The following RABGAP1L variants were observed in gnomAD, a reference collection of about 807,000 sequenced individuals.
RABGAP1L encodes rab GTPase-activating protein 1-like.
In RABGAP1L, 63 loss-of-function variants were observed where a neutral mutation model predicts 137.7. That is an observed-to-expected ratio of 0.46 (90% CI 0.37 to 0.56). The LOEUF (loss-of-function observed/expected upper bound fraction) is 0.56. Among genes scored for constraint, RABGAP1L ranks in the 20% least tolerant of loss-of-function variants. The pLI is 0.00. For synonymous variants in RABGAP1L, 431 were observed against 433.7 expected (o/e 0.99, Z 0.08); for missense variants, 1,095 against 1,244.0 (o/e 0.88, Z 1.80).
chr1:174,229,018 GTTTTTT>G (rs34335797), intron 3 of RABGAP1L, among the ~76,000 whole-genome samples: 2 of 148,322 alleles, frequency 1.3e-5, no homozygotes, highest in African/African-American at 2.5e-5. Context: ...AAAATGAACA[GTTTTTT>G]TTTTTTAAAG....
At chr1:174,350,176 G>A (rs1490715651) in intron 11 of RABGAP1L, among the ~76,000 whole-genome samples, 3 of 135,874 alleles carry the variant, frequency 2.2e-5, no homozygotes, top group Non-Finnish European at 4.8e-5. Flanking sequence ...GCGGCTGGCC[G>A]GGCGGGGGGC....
intron 14 of RABGAP1L, among the ~76,000 whole-genome samples, chr1:174,672,171 GTC>G (rs1232811174): frequency 6.6e-6 from 1 of 151,012 alleles, no homozygotes; most frequent in African/African-American, 2.4e-5. Flanking sequence ...CAGTTGTAAT[GTC>G]TCCTTTTTTA....
chr1:174,597,961 A>G (rs1209123644), intron 13 of RABGAP1L, among the ~76,000 whole-genome samples: 1 of 152,192 alleles, frequency 6.6e-6, no homozygotes, highest in African/African-American at 2.4e-5. Context: ...TATAGTTTCC[A>G]ACATTCCTCT....
chr1:174,619,977 C>T (rs4652669), intron 13 of RABGAP1L, among the ~76,000 whole-genome samples: 55,834 of 151,904 alleles, frequency 0.37, 13,507 homozygotes, highest in African/African-American at 0.69. Context: ...AAAAAAGGTA[C>T]GGGTTGCAAT....
chr1:174,867,237 C>T (rs747562284), intron 19 of RABGAP1L, among the ~76,000 whole-genome samples: 17 of 151,544 alleles, frequency 1.1e-4, no homozygotes, highest in Non-Finnish European at 8.8e-5. Context: ...AAAAATTAGC[C>T]GGGTGTGGTG....
At chr1:174,612,812 C>A (rs1399614187) in intron 13 of RABGAP1L, among the ~76,000 whole-genome samples, 2 of 152,164 alleles carry the variant, frequency 1.3e-5, no homozygotes, top group African/African-American at 4.8e-5. Context: ...GGAATGTATC[C>A]ATTTCTTCTA....
intron 1 of RABGAP1L, among the ~76,000 whole-genome samples, chr1:174,211,674 TAC>T (rs1668896129): frequency 4.6e-5 from 7 of 152,126 alleles, no homozygotes; most frequent in Non-Finnish European, 8.8e-5. Flanking sequence ...AATGAAAGGA[TAC>T]AGAGTAGTGG....
At chr1:174,165,095 G>C (rs1172506781) in intron 1 of RABGAP1L, among the ~76,000 whole-genome samples, 1 of 152,188 alleles carries the variant, frequency 6.6e-6, no homozygotes, top group Non-Finnish European at 1.5e-5. Flanking sequence ...AAAGTAATGG[G>C]TGGTAAAAAG....
At chr1:174,327,996 T>TATATATATATATACAC (rs1558136328) in intron 11 of RABGAP1L, among the ~76,000 whole-genome samples, 1 of 91,560 alleles carries the variant, frequency 1.1e-5, no homozygotes, top group East Asian at 2.5e-4. Context: ...CATATATATA[T>TATATATATATATACAC]ATATATATAT....
In RABGAP1L at chr1:174,761,357, T is replaced by C. The variant is rs1685200682; in HGVS notation, c.2211+9003T>C. 6.6e-6 allele frequency among the ~76,000 whole-genome samples: 1 copy of C among 152,232 alleles called. No individual in the cohort carries two copies. On this transcript the variant is annotated intron_variant, in intron 18 of 25. Transcript: ENST00000681986. The surrounding 1 kb of genome is among the most constrained non-coding windows in gnomAD (Gnocchi z 4.0). ...GCAGTCCGGCAGAGGCGCTCCTCAC[T>C]TGCCAGACAGTGCGGGGGCCAGGGA...
intron 21 of RABGAP1L, among the ~76,000 whole-genome samples, chr1:174,974,540 G>A (rs1301142326): frequency 6.6e-6 from 1 of 152,166 alleles, no homozygotes; most frequent in Non-Finnish European, 1.5e-5. Flanking sequence ...TGTTCATATT[G>A]CATTCTCAAG....
chr1:174,399,872 G>A (rs1055243520), intron 13 of RABGAP1L, among the ~76,000 whole-genome samples: 24 of 152,094 alleles, frequency 1.6e-4, no homozygotes, highest in African/African-American at 5.3e-4. Flanking sequence ...TCTCCACCTG[G>A]TCCCTCCCAC....
At chr1:174,454,456 T>C (rs1655806177) in intron 13 of RABGAP1L, among the ~76,000 whole-genome samples, 1 of 152,158 alleles carries the variant, frequency 6.6e-6, no homozygotes, top group Non-Finnish European at 1.5e-5. Context: ...AACCTTCTAC[T>C]TGCAATAGTA....
At chr1:174,493,808 T>A (rs1572044678) in intron 13 of RABGAP1L, among the ~76,000 whole-genome samples, 1 of 125,080 alleles carries the variant, frequency 8.0e-6, no homozygotes, top group Non-Finnish European at 1.6e-5. Flanking sequence ...GAAATGGGAG[T>A]GAGACCCTGT....
chr1:174,161,186 A>G lies in RABGAP1L; in HGVS notation c.-34+1529A>G, dbSNP rs140085211. Among the ~76,000 whole-genome samples, 834 of 151,404 alleles carry G rather than the reference A, an allele frequency of 5.5e-3. 6 individuals carry two copies. Among genetic ancestry groups the G allele is most frequent in the African/African-American group, 0.02 (810 of 41,334 alleles). ...TAAAGCAGGGCAGAGTTTATATTTT[A>G]ACATATTATGTAGCCTACATTTGCT... is the stretch of plus-strand genomic sequence containing the variant. On this transcript the variant is annotated intron_variant, in intron 1 of 25. Transcript: ENST00000681986.
chr1:174,480,804 T>C (rs1243280625), intron 13 of RABGAP1L, among the ~76,000 whole-genome samples: 1 of 152,214 alleles, frequency 6.6e-6, no homozygotes, highest in Non-Finnish European at 1.5e-5. Flanking sequence ...AATTAACATA[T>C]AACCCTTCCA....
intron 13 of RABGAP1L, among the ~76,000 whole-genome samples, chr1:174,561,284 TA>T (rs1315405366): frequency 6.6e-6 from 1 of 152,044 alleles, no homozygotes; most frequent in Non-Finnish European, 1.5e-5. Flanking sequence ...ATAAAATACC[TA>T]GGAATAAAAC....
chr1:174,255,411 C>G (rs970113762), intron 7 of RABGAP1L, among the ~76,000 whole-genome samples: 1 of 152,130 alleles, frequency 6.6e-6, no homozygotes, highest in South Asian at 2.1e-4. Flanking sequence ...AAAAACAATA[C>G]AACTAGTAGA....
intron 18 of RABGAP1L, among the ~76,000 whole-genome samples, chr1:174,769,377 G>A (rs541128861): frequency 1.3e-5 from 2 of 152,204 alleles, no homozygotes; most frequent in African/African-American, 4.8e-5. Context: ...CAAAAAACCT[G>A]AAAAGATATC....
Sources: gnomAD v4.1 joint callset for allele counts (sites outside exome capture counted in the v4.1 genomes callset) on GRCh38, gnomAD v4.1.1 for gene constraint, Gnocchi (gnomAD v3.1) non-coding constraint, MANE v1.5 for transcripts, NCBI Gene and HGNC (gene_info 2026-07-23, HGNC 2026-07-21) for gene names.